Variants in GNAT3 observed in about 807,000 individuals in gnomAD.
The protein encoded by GNAT3 is guanine nucleotide-binding protein G(t) subunit alpha-3.
GNAT3 carries 31 observed loss-of-function variants against 37.7 expected under a neutral mutation model. The ratio of observed to expected loss-of-function variants is 0.82; its 90% confidence interval spans 0.62 to 1.11. The LOEUF is 1.11. Ranked by LOEUF, GNAT3 falls within the 50% of genes most tolerant of loss-of-function variation. The pLI is 0.00. For missense variants in GNAT3, 437 were observed against 412.5 expected, an observed-to-expected ratio of 1.06 and a Z score of -0.51; for synonymous variants, 138 against 139.8, an observed-to-expected ratio of 0.99 and a Z score of 0.09.
At chr7:80,499,892 T>A (rs1479104678) in intron 1 of GNAT3, among the ~76,000 whole-genome samples, 1 of 152,196 alleles carries the variant, frequency 6.6e-6, no homozygotes, top group Non-Finnish European at 1.5e-5. Flanking sequence ...AGATCACAAA[T>A]ATAAATTACC....
At chr7:80,492,343 CAAAT>C (rs1181957058) in intron 2 of GNAT3, among the ~76,000 whole-genome samples, 1 of 147,762 alleles carries the variant, frequency 6.8e-6, no homozygotes, top group African/African-American at 2.6e-5. Context: ...GACCCTTTCT[CAAAT>C]AAATAAATTA....
chr7:80,460,735 G>A (rs371722181), intron 7 of GNAT3, among the ~76,000 whole-genome samples: 21 of 149,384 alleles, frequency 1.4e-4, no homozygotes, highest in Non-Finnish European at 3.1e-4. Flanking sequence ...GCAACAGGGT[G>A]AGACTCCATC....
intron 1 of GNAT3, among the ~76,000 whole-genome samples, chr7:80,511,579 T>C (rs937523410): frequency 5.9e-5 from 9 of 152,094 alleles, no homozygotes; most frequent in African/African-American, 1.9e-4. Flanking sequence ...ACAGAGAAAT[T>C]AGCTGATAAA....
intron 1 of GNAT3, among the ~76,000 whole-genome samples, chr7:80,507,491 C>T (rs1790969988): frequency 6.6e-6 from 1 of 151,856 alleles, no homozygotes; most frequent in Non-Finnish European, 1.5e-5. Context: ...ATTTGGGAAT[C>T]TCTTATGCCA....
At chr7:80,474,927 A>G (rs890411089) in intron 4 of GNAT3, among the ~76,000 whole-genome samples, 1 of 151,948 alleles carries the variant, frequency 6.6e-6, no homozygotes, top group African/African-American at 2.4e-5. Context: ...GTTGTTTGTT[A>G]TTTTTGCATG....
At chr7:80,475,361 T>TAAA (rs79721201) in intron 4 of GNAT3, among the ~76,000 whole-genome samples, 3 of 121,100 alleles carry the variant, frequency 2.5e-5, no homozygotes, top group East Asian at 2.4e-4. Flanking sequence ...GTCTTCATAC[T>TAAA]AAAAAAAAAA....
At chr7:80,503,532 G>A (rs932186873) in intron 1 of GNAT3, among the ~76,000 whole-genome samples, 2 of 152,128 alleles carry the variant, frequency 1.3e-5, no homozygotes, top group Non-Finnish European at 2.9e-5. Flanking sequence ...AACAGAAGCA[G>A]TAAAGAGAAA....
At chr7:80,498,112 GA>G (rs1471099386) in intron 1 of GNAT3, among the ~76,000 whole-genome samples, 2 of 152,124 alleles carry the variant, frequency 1.3e-5, no homozygotes, top group Middle Eastern at 3.4e-3. Flanking sequence ...ATAAATTTGT[GA>G]AAAAAGTGAC....
chr7:80,509,806 A>T (rs562412739), intron 1 of GNAT3, among the ~76,000 whole-genome samples: 4 of 152,210 alleles, frequency 2.6e-5, no homozygotes, highest in South Asian at 4.1e-4. Flanking sequence ...GTTTTCATTC[A>T]TCTATATATA....
intron 3 of GNAT3, among the ~76,000 whole-genome samples, chr7:80,479,484 C>G (rs1217852130): frequency 1.3e-5 from 2 of 151,410 alleles, no homozygotes; most frequent in African/African-American, 4.9e-5. Flanking sequence ...CTTAGGGAGG[C>G]CGAGGTGGGT....
chr7:80,477,673 G>A (rs1011456263), intron 4 of GNAT3, among the ~76,000 whole-genome samples: 6 of 151,936 alleles, frequency 3.9e-5, no homozygotes, highest in East Asian at 1.9e-4. Context: ...GTCCTTAACC[G>A]ATCTTTTTCA....
chr7:80,495,194 C>T (rs183933898), intron 1 of GNAT3, among the ~76,000 whole-genome samples: 3 of 152,178 alleles, frequency 2.0e-5, no homozygotes, highest in African/African-American at 7.2e-5. Flanking sequence ...CTGCAATAAA[C>T]ATACAAGTGC....
intron 3 of GNAT3, among the ~76,000 whole-genome samples, chr7:80,483,243 T>C (rs1790421534): frequency 6.6e-6 from 1 of 152,118 alleles, no homozygotes; most frequent in Non-Finnish European, 1.5e-5. Flanking sequence ...ATACAGTTGT[T>C]ATTTTTTTAA....
At chr7:80,498,845 T>C (rs979836890) in intron 1 of GNAT3, among the ~76,000 whole-genome samples, 9 of 152,132 alleles carry the variant, frequency 5.9e-5, no homozygotes, top group African/African-American at 2.2e-4. Context: ...AAATTTATAC[T>C]TAATTCATAC....
chr7:80,501,215 T>C (rs10216027), intron 1 of GNAT3, among the ~76,000 whole-genome samples: 15,757 of 152,052 alleles, frequency 0.1, 869 homozygotes, highest in African/African-American at 0.14. Context: ...TGATAATTAA[T>C]TTAAAAACTT....
At position 80,474,387 on chromosome 7, in the gene GNAT3, AG is replaced by A; in HGVS notation, c.462-9del. On this transcript the variant is annotated splice_polypyrimidine_tract_variant and intron_variant, in intron 4 of 7. Coordinates refer to ENST00000398291, the MANE Select transcript of GNAT3 (RefSeq NM_001102386.3). ...TCTAAATCATTAAGGTAGCTAATAAAGACAAAACAAAATTATATATGTGTAT... is the reference window on the plus strand; with the variant it reads ...TCTAAATCATTAAGGTAGCTAATAAAACAAAACAAAATTATATATGTGTAT... The A allele has an allele frequency of 6.9e-7, 1 of 1,458,338 alleles. No individual in the cohort carries two copies. Among genetic ancestry groups the A allele is most frequent in the Non-Finnish European group, 9.4e-7 (1 of 1,068,300 alleles). The allele number at this position is 1,458,338 out of a possible 1,614,324, so 90.3% of individuals were successfully genotyped here. A position where few individuals can be genotyped will look rare whatever the true frequency, so the allele number is the denominator to read the frequency against.
chr7:80,472,714 G>A (rs1790240222), intron 5 of GNAT3, among the ~76,000 whole-genome samples: 2 of 152,084 alleles, frequency 1.3e-5, no homozygotes, highest in African/African-American at 4.8e-5. Context: ...GACAATCTAG[G>A]ACACAGAGAG....
Position 80,488,550 on chromosome 7 carries a change from T to G in GNAT3, c.288A>C (p.Val96=). The G allele has an allele frequency of 6.2e-7, 1 of 1,601,614 alleles. No individual in the cohort carries two copies. Among genetic ancestry groups the G allele is most frequent in the Non-Finnish European group, 8.5e-7 (1 of 1,172,956 alleles). Residue 96 remains valine (V), a synonymous_variant, in exon 3 of 8, where the codon GTA becomes GTC. Transcript: ENST00000398291. ...GCATACTTACTGCACTTCTGGGATT[T>G]ACATAATCAATTCCAAGGGTAGTCA... ...KAMTTLGIDY[V]NPRSAEDQRQ...
chr7:80,481,297 G>A lies in GNAT3; in HGVS notation c.304-2299C>T, dbSNP rs116945443. Among the ~76,000 whole-genome samples, 914 of 152,094 alleles carry A rather than the reference G, an allele frequency of 6.0e-3. 1 individual carries two copies. The highest frequency in any genetic ancestry group is 9.9e-3 in the Non-Finnish European group (672 of 67,996). ...CCCAAGCAACAGAATTCTAAGCCCC[G>A]CAACCAACAGAAATCCCTCTTGGCC... On this transcript the variant is annotated intron_variant, in intron 3 of 7. Transcript: ENST00000398291.
Sources: allele counts gnomAD v4.1 joint callset (sites outside exome capture counted in the v4.1 genomes callset), GRCh38; gene constraint gnomAD v4.1.1; transcripts MANE v1.5; gene names NCBI Gene and HGNC (gene_info 2026-07-23, HGNC 2026-07-21).